NFATC3: variants seen among roughly 807,000 people sequenced by gnomAD.
NFATC3 encodes the protein nuclear factor of activated T cells 3.
A neutral mutation model predicts 98.6 loss-of-function variants in NFATC3; 46 were observed. That is an observed-to-expected ratio of 0.47 (90% CI 0.37 to 0.60). NFATC3 has a LOEUF of 0.60. Ranked by LOEUF, NFATC3 falls within the 20% of genes least tolerant of loss-of-function variation. The pLI, the probability that NFATC3 is intolerant of heterozygous loss-of-function variation, is 0.00. For synonymous variants in NFATC3, 512 were observed against 472.2 expected (o/e 1.08, Z -1.09); for missense variants, 1,256 against 1,295.5 (o/e 0.97, Z 0.47).
intron 9 of NFATC3, among the ~76,000 whole-genome samples, chr16:68,202,138 G>T (rs1366983332): frequency 1.3e-5 from 2 of 152,014 alleles, no homozygotes; most frequent in African/African-American, 4.8e-5. Context: ...AGCCACAGCT[G>T]CAGCTCTTCA....
chr16:68,209,492 G>A lies in NFATC3; in HGVS notation c.3107-16858G>A, dbSNP rs1439706492. ...CACGGAAGGTGTTGCTGCTGGAGGT[G>A]TGGTGGCTGTTAATACTGCTTTACA... On this transcript the variant is annotated intron_variant, in intron 9 of 9. Coordinates refer to ENST00000346183, the MANE Select transcript of NFATC3 (RefSeq NM_173165.3). The A allele has an allele frequency of 3.4e-5, 7 of 203,450 alleles. No individual in the cohort carries two copies. In the East Asian group the frequency reaches 3.8e-4, roughly 11 times the overall value. The allele number at this position is 203,450 out of a possible 1,614,324, so 12.6% of individuals were successfully genotyped here. A position where few individuals can be genotyped will look rare whatever the true frequency, so the allele number is the denominator to read the frequency against.
Position 68,222,289 on chromosome 16 carries a change from C to CAAAAAAAAAAAA in NFATC3, c.3107-4035_3107-4024dup, listed in dbSNP as rs58981935. On this transcript the variant is annotated intron_variant, in intron 9 of 9. Coordinates refer to ENST00000346183, the MANE Select transcript of NFATC3 (RefSeq NM_173165.3). Reference sequence around the variant, plus strand: ...GGGCAACAGAGTGAGACCCCATTGCCAAAAAAAAAAAAAAAAAAAAAAAAA... The same window carrying CAAAAAAAAAAAA: ...GGGCAACAGAGTGAGACCCCATTGCCAAAAAAAAAAAAAAAAAAAAAAAAAAAAAAAAAAAAA... Among the ~76,000 whole-genome samples, 25 of 26,418 alleles carry CAAAAAAAAAAAA rather than the reference C, an allele frequency of 9.5e-4. 2 individuals carry two copies. Among genetic ancestry groups the CAAAAAAAAAAAA allele is most frequent in the East Asian group, 2.8e-3 (1 of 358 alleles). 17.3% of individuals were successfully genotyped at this position (26,418 alleles called of 152,430 possible).
intron 9 of NFATC3, among the ~76,000 whole-genome samples, chr16:68,223,870 C>T (rs554172092): frequency 2.9e-5 from 4 of 137,682 alleles, no homozygotes; most frequent in South Asian, 2.4e-4. Flanking sequence ...ACTCTAGCCT[C>T]GGTGACAGAG....
At chr16:68,214,328 G>A in intron 9 of NFATC3, 1 of 1,613,840 alleles carries the variant, frequency 6.2e-7, no homozygotes, top group Non-Finnish European at 8.5e-7. Context: ...CTTTGACACA[G>A]ACCAATTTAT....
intron 6 of NFATC3, among the ~76,000 whole-genome samples, chr16:68,178,894 A>C (rs569523964): frequency 6.6e-6 from 1 of 152,318 alleles, no homozygotes; most frequent in Non-Finnish European, 1.5e-5. Context: ...AGTTGTAAAC[A>C]TGTAACTCCC....
chr16:68,130,747 G>A (rs2037072840), intron 3 of NFATC3, among the ~76,000 whole-genome samples: 1 of 152,034 alleles, frequency 6.6e-6, no homozygotes, highest in South Asian at 2.1e-4. Context: ...TTCCCCCTGT[G>A]TTTTCTTCTA....
rs1326104258 is a variant in NFATC3 at position 68,157,966 on chromosome 16, G to A, written c.1499G>A (p.Arg500Gln). ...LRPHAFYQVHRITGKTVATAS... is the reference protein window; with the variant it reads ...LRPHAFYQVHQITGKTVATAS... Reference sequence around the variant, plus strand: ...CCTCATGCATTTTACCAGGTGCATCGAATCACTGGGAAGACAGTCGCTACT... The same window carrying A: ...CCTCATGCATTTTACCAGGTGCATCAAATCACTGGGAAGACAGTCGCTACT... Residue 500 changes from arginine (R) to glutamine (Q), a missense_variant, in exon 4 of 10, where the codon CGA becomes CAA. By Grantham distance (43) the Arg-to-Gln change is conservative. Transcript: ENST00000346183. 13 of 1,613,784 alleles carry A rather than the reference G, an allele frequency of 8.1e-6. No homozygotes were observed. Among genetic ancestry groups the A allele is most frequent in the African/African-American group, 2.7e-5 (2 of 74,912 alleles).
intron 1 of NFATC3, among the ~76,000 whole-genome samples, chr16:68,100,006 A>G (rs907493594): frequency 2.0e-5 from 3 of 151,858 alleles, no homozygotes; most frequent in Non-Finnish European, 2.9e-5. Flanking sequence ...CTTTTTCTTC[A>G]CTCATTGCCT....
At chr16:68,148,493 A>T (rs2038152721) in intron 3 of NFATC3, among the ~76,000 whole-genome samples, 1 of 152,232 alleles carries the variant, frequency 6.6e-6, no homozygotes, top group Non-Finnish European at 1.5e-5. Flanking sequence ...AGAAAATGGA[A>T]ACATAAATGT....
At chr16:68,155,611 C>G (rs1342764037) in intron 3 of NFATC3, among the ~76,000 whole-genome samples, 1 of 152,098 alleles carries the variant, frequency 6.6e-6, no homozygotes, top group Non-Finnish European at 1.5e-5. Flanking sequence ...TCTCAGATTC[C>G]CTCGCCAGGC....
chr16:68,206,310 A>G (rs991296712), intron 9 of NFATC3, among the ~76,000 whole-genome samples: 1 of 152,184 alleles, frequency 6.6e-6, no homozygotes, highest in African/African-American at 2.4e-5. Context: ...AAATACATTC[A>G]CAATATTGTA....
intron 3 of NFATC3, among the ~76,000 whole-genome samples, chr16:68,141,982 T>C (rs1486314054): frequency 1.3e-5 from 2 of 152,200 alleles, no homozygotes; most frequent in African/African-American, 2.4e-5. Context: ...GATTTTTATA[T>C]GTGGTGAGAG....
At chr16:68,206,638 ATAT>A (rs1373792615) in intron 9 of NFATC3, among the ~76,000 whole-genome samples, 1 of 152,176 alleles carries the variant, frequency 6.6e-6, no homozygotes, top group African/African-American at 2.4e-5. Flanking sequence ...TGGAGGAATA[ATAT>A]TCAATTTTTT....
chr16:68,185,862 CAAAAAAAAAAAAA>C (rs764335192), intron 8 of NFATC3, among the ~76,000 whole-genome samples: 2 of 49,358 alleles, frequency 4.1e-5, no homozygotes, highest in South Asian at 1.6e-3. Context: ...GACTCCGTCT[CAAAAAAAAAAAAA>C]AAAAAAAAAG....
At chr16:68,219,314 C>T (rs898000386) in intron 9 of NFATC3, among the ~76,000 whole-genome samples, 1 of 151,906 alleles carries the variant, frequency 6.6e-6, no homozygotes, top group African/African-American at 2.4e-5. Context: ...ACCCGGGAGG[C>T]GGAGGTTGCG....
intron 9 of NFATC3, among the ~76,000 whole-genome samples, chr16:68,220,986 A>G (rs141575184): frequency 1.2e-3 from 177 of 152,272 alleles, no homozygotes; most frequent in Non-Finnish European, 2.2e-3. Flanking sequence ...GCCTCAAACA[A>G]TCTTCCTGCC....
At chr16:68,121,886 G>A (rs910198549) in intron 1 of NFATC3, 101 bp from the exon 2 acceptor site, 7 of 1,364,856 alleles carry the variant, frequency 5.1e-6, no homozygotes, top group Non-Finnish European at 6.9e-6. Context: ...TTTTTCTCTC[G>A]AGATTGTTAT....
chr16:68,198,391 TTACACAGAGCC>T (rs1283823788), intron 9 of NFATC3, among the ~76,000 whole-genome samples: 4 of 152,174 alleles, frequency 2.6e-5, no homozygotes, highest in Non-Finnish European at 5.9e-5. Flanking sequence ...CATCTGAATT[TTACACAGAGCC>T]TAAGGTGTTC....
At chr16:68,117,114 G>T (rs906206284) in intron 1 of NFATC3, among the ~76,000 whole-genome samples, 1 of 152,104 alleles carries the variant, frequency 6.6e-6, no homozygotes, top group African/African-American at 2.4e-5. Context: ...CTGAACAAGG[G>T]GCCAAGGAAA....
Sources: gnomAD v4.1 joint callset for allele counts (sites outside exome capture counted in the v4.1 genomes callset) on GRCh38, gnomAD v4.1.1 for gene constraint, MANE v1.5 for transcripts, NCBI Gene and HGNC (gene_info 2026-07-23, HGNC 2026-07-21) for gene names.